FBXL5: variants seen among roughly 807,000 people sequenced by gnomAD.
FBXL5 encodes the protein F-box and leucine rich repeat protein 5, also known as F-box/LRR-repeat protein 5.
FBXL5 carries 26 observed loss-of-function variants against 78.3 expected under a neutral mutation model. The observed-to-expected ratio is 0.33, with a 90% CI of 0.24 to 0.46. The LOEUF (loss-of-function observed/expected upper bound fraction) is 0.46, where lower values mean the gene tolerates loss of function less well. Ranked by LOEUF, FBXL5 falls within the 20% of genes least tolerant of loss-of-function variation. The pLI is 1.00. For missense variants in FBXL5, 710 were observed against 829.2 expected, an observed-to-expected ratio of 0.86 and a Z score of 1.77; for synonymous variants, 295 against 282.5, an observed-to-expected ratio of 1.04 and a Z score of -0.45.
Position 15,638,499 on chromosome 4 carries a change from G to T in FBXL5, c.583+9C>A, listed in dbSNP as rs1714511781. The T allele has an allele frequency of 6.4e-7, 1 of 1,560,400 alleles. No homozygotes were observed. Among genetic ancestry groups the T allele is most frequent in the Non-Finnish European group, 8.6e-7 (1 of 1,161,276 alleles). On this transcript the variant is annotated intron_variant, in intron 4 of 10. Coordinates refer to ENST00000341285, the MANE Select transcript of FBXL5 (RefSeq NM_012161.4). ...CTAATAAATTGTTCTTTATATATATGAATCTCACCTTTATCTGACTTTTCA... is the reference window on the plus strand; with the variant it reads ...CTAATAAATTGTTCTTTATATATATTAATCTCACCTTTATCTGACTTTTCA...
chr4:15,631,844 A>G (rs1189363146), intron 5 of FBXL5, among the ~76,000 whole-genome samples: 1 of 151,956 alleles, frequency 6.6e-6, no homozygotes, highest in East Asian at 1.9e-4. Flanking sequence ...AGGTGGCAAA[A>G]ATTTTCTCTC....
In FBXL5 at chr4:15,625,726, A is replaced by G. The variant is rs1346852398; in HGVS notation, c.1376T>C (p.Ile459Thr). 4 of 1,614,036 alleles carry G rather than the reference A, an allele frequency of 2.5e-6. No homozygotes were observed. Among genetic ancestry groups the G allele is most frequent in the Middle Eastern group, 1.6e-4 (1 of 6,084 alleles). The change falls in exon 9 of 11, where the codon ATA becomes ACA. Residue 459 changes from isoleucine (I) to threonine (T), a missense_variant. Ile to Thr is a moderately conservative substitution (Grantham distance 89). Coordinates refer to ENST00000341285, the MANE Select transcript of FBXL5 (RefSeq NM_012161.4). ...DLTNKGIGEE[I>T]DNEHPWTKPV... ...CTTAGTCCAGGGGTGTTCATTATCT[A>G]TTTCTTCTCCAATGCCCTTGTTAGT...
chr4:15,666,525 G>C (rs2148792063), intron 1 of FBXL5, among the ~76,000 whole-genome samples: 1 of 151,864 alleles, frequency 6.6e-6, no homozygotes, highest in African/African-American at 2.4e-5. Context: ...ATGAGTTGTT[G>C]ATCAAAGCAT....
chr4:15,614,646 G>T (rs543316886), intron 9 of FBXL5, among the ~76,000 whole-genome samples: 1 of 152,172 alleles, frequency 6.6e-6, no homozygotes, highest in East Asian at 1.9e-4. Flanking sequence ...TGCTGCGGCT[G>T]CTGTGGGGGA....
At chr4:15,653,128 TCA>T (rs1331499804) in intron 1 of FBXL5, among the ~76,000 whole-genome samples, 6 of 152,144 alleles carry the variant, frequency 3.9e-5, no homozygotes. Flanking sequence ...CTAAATCGCC[TCA>T]GTTTCAGTTC....
chr4:15,631,655 T>A (rs2148599728), intron 5 of FBXL5, among the ~76,000 whole-genome samples: 1 of 152,390 alleles, frequency 6.6e-6, no homozygotes, highest in East Asian at 1.9e-4. Context: ...AATTTGCATT[T>A]CTCTGATGAC....
At chr4:15,634,475 C>T (rs1044349008) in intron 5 of FBXL5, among the ~76,000 whole-genome samples, 1 of 151,836 alleles carries the variant, frequency 6.6e-6, no homozygotes, top group African/African-American at 2.4e-5. Context: ...AAGCAATTCT[C>T]CCTGCCTCAG....
At chr4:15,653,821 C>A (rs369252633) in intron 1 of FBXL5, among the ~76,000 whole-genome samples, 1 of 152,218 alleles carries the variant, frequency 6.6e-6, no homozygotes, top group Admixed American at 6.5e-5. Flanking sequence ...CCCTCAGCTG[C>A]ATACTGCACT....
chr4:15,617,558 A>AG (rs2148545538), intron 9 of FBXL5, among the ~76,000 whole-genome samples: 1 of 151,778 alleles, frequency 6.6e-6, no homozygotes, highest in African/African-American at 2.4e-5. Context: ...AAAAAAAAAA[A>AG]AAAAGAAAGA....
chr4:15,640,891 C>CA lies in FBXL5; in HGVS notation c.301-9_301-8insT. 7.3e-7 allele frequency: 1 copy of CA among 1,364,906 alleles called. No homozygotes were observed. The highest frequency in any genetic ancestry group is 9.7e-7 in the Non-Finnish European group (1 of 1,025,680). 84.5% of individuals were successfully genotyped at this position (1,364,906 alleles called of 1,614,324 possible). A position where few individuals can be genotyped will look rare whatever the true frequency, so the allele number is the denominator to read the frequency against. On this transcript the variant is annotated splice_polypyrimidine_tract_variant and intron_variant, in intron 2 of 10. Transcript: ENST00000341285. ...TAACTGTTCATATTCATTCTGGAAA[C>CA]CAAAAAAAAAATACATTTTTATAAA... is the stretch of plus-strand genomic sequence containing the variant.
intron 1 of FBXL5, among the ~76,000 whole-genome samples, chr4:15,650,609 C>T (rs1256200217): frequency 2.0e-5 from 3 of 147,590 alleles, no homozygotes; most frequent in Non-Finnish European, 4.5e-5. Flanking sequence ...ACATAATTAA[C>T]AAATAGTAAC....
At chr4:15,660,663 T>C (rs1422170130), upstream of FBXL5, among the ~76,000 whole-genome samples, 1 of 152,184 alleles carries the variant, frequency 6.6e-6, no homozygotes, top group Non-Finnish European at 1.5e-5. Flanking sequence ...TGGGACACTT[T>C]TGAGTGATAA....
At chr4:15,626,053 A>G in intron 8 of FBXL5, 76 bp from the exon 9 acceptor site, 2 of 1,297,906 alleles carry the variant, frequency 1.5e-6, no homozygotes, top group Non-Finnish European at 2.0e-6. Flanking sequence ...CATGTAGATG[A>G]AAACCAGAAG....
intron 2 of FBXL5, among the ~76,000 whole-genome samples, chr4:15,643,368 TCA>T (rs1287547972): frequency 6.6e-6 from 1 of 152,218 alleles, no homozygotes; most frequent in Non-Finnish European, 1.5e-5. Flanking sequence ...AGCTTACGCT[TCA>T]CCAAGCCAGA....
At chr4:15,628,136 T>C (rs1378847421) in intron 6 of FBXL5, 103 bp from the exon 7 acceptor site, 7 of 1,096,238 alleles carry the variant, frequency 6.4e-6, no homozygotes, top group Non-Finnish European at 9.1e-6. Context: ...TGTGCTATCC[T>C]TATACTTTCT....
At chr4:15,623,915 C>T (rs111831331) in intron 9 of FBXL5, among the ~76,000 whole-genome samples, 69 of 151,966 alleles carry the variant, frequency 4.5e-4, no homozygotes, top group African/African-American at 1.5e-3. Flanking sequence ...CTCCGTCTCC[C>T]GGGTTCACAC....
intron 1 of FBXL5, among the ~76,000 whole-genome samples, chr4:15,667,896 C>T (rs1717612023): frequency 6.6e-6 from 1 of 151,956 alleles, no homozygotes; most frequent in African/African-American, 2.4e-5. Flanking sequence ...ACAAAATTAG[C>T]CAGGCGTGGT....
chr4:15,679,808 T>C (rs947299250), intron 1 of FBXL5, among the ~76,000 whole-genome samples: 6 of 151,894 alleles, frequency 4.0e-5, no homozygotes, highest in African/African-American at 1.4e-4. Context: ...TCTCTGCTGA[T>C]AGGAGTGTAA....
chr4:15,630,108 G>A (rs1314077905), intron 6 of FBXL5, among the ~76,000 whole-genome samples: 2 of 152,096 alleles, frequency 1.3e-5, no homozygotes, highest in Admixed American at 6.5e-5. Context: ...GAGTTGTTTG[G>A]AGTAGCGATG....
Sources: allele counts gnomAD v4.1 joint callset (sites outside exome capture counted in the v4.1 genomes callset), GRCh38; gene constraint gnomAD v4.1.1; transcripts MANE v1.5; gene names NCBI Gene and HGNC (gene_info 2026-07-23, HGNC 2026-07-21).